The following FBXO40 variants were observed in gnomAD, a reference collection of about 807,000 sequenced individuals.
FBXO40 encodes F-box only protein 40.
A neutral mutation model predicts 49.9 loss-of-function variants in FBXO40; 50 were observed. That is an observed-to-expected ratio of 1.00 (90% CI 0.80 to 1.27). The LOEUF (loss-of-function observed/expected upper bound fraction) is 1.27. FBXO40 is among the 50% of genes most tolerant of loss of function. The probability of loss-of-function intolerance (pLI) is 0.00; values close to 1 mark genes in which losing one functional copy is unlikely to be tolerated. For missense variants in FBXO40, 895 were observed against 870.1 expected (o/e 1.03, Z -0.36); for synonymous variants, 340 against 320.2 (o/e 1.06, Z -0.66).
At chr3:121,621,376 A>C in intron 2 of FBXO40, 57 bp from the exon 3 acceptor site, 1 of 1,475,004 alleles carries the variant, frequency 6.8e-7, no homozygotes, top group South Asian at 1.2e-5. Flanking sequence ...ATAGACATGC[A>C]TAGAGCTTCT....
chr3:121,599,914 G>T (rs1309482990), intron 1 of FBXO40, among the ~76,000 whole-genome samples: 2 of 151,542 alleles, frequency 1.3e-5, no homozygotes, highest in African/African-American at 4.9e-5. Flanking sequence ...GTAGAGATGA[G>T]GTTTTTCCAT....
At chr3:121,605,197 A>C (rs2048925748) in intron 1 of FBXO40, among the ~76,000 whole-genome samples, 1 of 152,080 alleles carries the variant, frequency 6.6e-6, no homozygotes, top group South Asian at 2.1e-4. Context: ...TCGGCCTCCC[A>C]AAGTGCTGGG....
intron 1 of FBXO40, among the ~76,000 whole-genome samples, chr3:121,613,171 T>C (rs2048977153): frequency 6.6e-6 from 1 of 151,924 alleles, no homozygotes; most frequent in Non-Finnish European, 1.5e-5. Flanking sequence ...TCAGGATAGG[T>C]ACTGCGTTCT....
chr3:121,597,549 A>G (rs2048878464), intron 1 of FBXO40, among the ~76,000 whole-genome samples: 1 of 151,760 alleles, frequency 6.6e-6, no homozygotes, highest in Non-Finnish European at 1.5e-5. Context: ...GGCCTGGAGG[A>G]GGGAGGTGAC....
intron 1 of FBXO40, among the ~76,000 whole-genome samples, chr3:121,594,229 C>A (rs1194666652): frequency 5.5e-5 from 8 of 145,946 alleles, no homozygotes; most frequent in Non-Finnish European, 1.2e-4. Flanking sequence ...GAGACAGAGT[C>A]TCACTCTGTT....
intron 1 of FBXO40, among the ~76,000 whole-genome samples, chr3:121,617,705 A>G (rs772056151): frequency 1.3e-5 from 2 of 151,384 alleles, no homozygotes; most frequent in Non-Finnish European, 2.9e-5. Context: ...TATATCTCAA[A>G]ATAACTAAAA....
chr3:121,606,126 C>A (rs1368203021), intron 1 of FBXO40, among the ~76,000 whole-genome samples: 1 of 152,218 alleles, frequency 6.6e-6, no homozygotes, highest in Non-Finnish European at 1.5e-5. Context: ...GGAGGAGGAT[C>A]AGGAAGACTA....
chr3:121,597,643 G>C (rs1452246655), intron 1 of FBXO40, among the ~76,000 whole-genome samples: 2 of 145,884 alleles, frequency 1.4e-5, no homozygotes, highest in African/African-American at 5.0e-5. Context: ...CAACCCTATT[G>C]GTTATTATAG....
chr3:121,625,516 A>C (rs2049057349), intron 3 of FBXO40, among the ~76,000 whole-genome samples: 1 of 152,244 alleles, frequency 6.6e-6, no homozygotes, highest in African/African-American at 2.4e-5. Context: ...CAAGTGTTAA[A>C]TAAACACTGA....
intron 1 of FBXO40, among the ~76,000 whole-genome samples, chr3:121,603,510 G>T (rs2048911747): frequency 6.6e-6 from 1 of 152,180 alleles, no homozygotes; most frequent in Admixed American, 6.5e-5. Context: ...AAAGAGGGCT[G>T]CACTGTCAGG....
intron 1 of FBXO40, among the ~76,000 whole-genome samples, chr3:121,601,163 A>C (rs1199146160): frequency 6.6e-6 from 1 of 152,200 alleles, no homozygotes; most frequent in Non-Finnish European, 1.5e-5. Context: ...CCATGATTAG[A>C]CTATCGAGAG....
chr3:121,600,776 T>C (rs192600392), intron 1 of FBXO40, among the ~76,000 whole-genome samples: 2 of 152,300 alleles, frequency 1.3e-5, no homozygotes. Context: ...ATGGTTGTTG[T>C]GAGAATTAAA....
rs765858629 is a variant in FBXO40 at position 121,626,819 on chromosome 3, T to A, written c.2039T>A (p.Leu680His). The A allele has an allele frequency of 6.2e-7, 1 of 1,614,202 alleles. No individual in the cohort carries two copies. Among genetic ancestry groups the A allele is most frequent in the South Asian group, 1.1e-5 (1 of 91,078 alleles). Residue 680 changes from leucine (L) to histidine (H), a missense_variant, in exon 4 of 4, where the codon CTT becomes CAT. Physicochemically the swap from Leu to His is moderately conservative, Grantham distance 99. Coordinates refer to ENST00000338040, the MANE Select transcript of FBXO40 (RefSeq NM_016298.4). Reference sequence around the variant, plus strand: ...GTAGAGCACAAAACTGACCCGATTCTTTTGACTAGCATGTGTCAGCCCCGT... The same window carrying A: ...GTAGAGCACAAAACTGACCCGATTCATTTGACTAGCATGTGTCAGCCCCGT... ...NIVEHKTDPILLTSMCQPREQ... is the reference protein window; with the variant it reads ...NIVEHKTDPIHLTSMCQPREQ...
Position 121,615,576 on chromosome 3 carries a change from A to G in FBXO40, c.-30-4970A>G, listed in dbSNP as rs570194009. On this transcript the variant is annotated intron_variant, in intron 1 of 3. Transcript: ENST00000338040. The stretch of plus-strand genomic sequence containing the variant: ...AGACTGTGTCTTAAAAAAAAAAAAA[A>G]AAGAAGAAGAAGAAAGAAAGAAACT... 1.4e-3 allele frequency among the ~76,000 whole-genome samples: 216 copies of G among 151,398 alleles called. 1 individual carries two copies. Among genetic ancestry groups the G allele is most frequent in the African/African-American group, 4.5e-3 (183 of 41,116 alleles).
At position 121,621,634 on chromosome 3, in the gene FBXO40, G is replaced by A. The variant is rs777614025; in HGVS notation, c.205G>A (p.Glu69Lys). ...PLEQVPCLNS[E>K]YGCPLSMSRH... is the part of the protein sequence containing the mutation. Reference sequence around the variant, plus strand: ...AGAGCAGGTTCCGTGCCTCAACTCCGAATATGGCTGCCCTCTGTCCATGTC... The same window carrying A: ...AGAGCAGGTTCCGTGCCTCAACTCCAAATATGGCTGCCCTCTGTCCATGTC... The change falls in exon 3 of 4, where the codon GAA becomes AAA. Residue 69 changes from glutamate (E) to lysine (K), a missense_variant. Glu to Lys is a moderately conservative substitution (Grantham distance 56). Coordinates refer to ENST00000338040, the MANE Select transcript of FBXO40 (RefSeq NM_016298.4). 61 of 1,614,086 alleles carry A rather than the reference G, an allele frequency of 3.8e-5. No individual in the cohort carries two copies. Among genetic ancestry groups the A allele is most frequent in the Admixed American group, 1.5e-4 (9 of 60,012 alleles).
chr3:121,614,136 G>A (rs936452578), intron 1 of FBXO40, among the ~76,000 whole-genome samples: 10 of 152,122 alleles, frequency 6.6e-5, no homozygotes, highest in South Asian at 2.1e-4. Flanking sequence ...CTGTGGTGGC[G>A]CTTGCCTGTA....
intron 1 of FBXO40, among the ~76,000 whole-genome samples, chr3:121,613,758 A>C (rs755226411): frequency 1.2e-4 from 18 of 152,230 alleles, no homozygotes; most frequent in Admixed American, 3.9e-4. Context: ...AAAAGACTAG[A>C]TCCTGAGTGA....
chr3:121,607,265 C>CAA (rs199884317), intron 1 of FBXO40, among the ~76,000 whole-genome samples: 54 of 86,594 alleles, frequency 6.2e-4, no homozygotes, highest in East Asian at 1.7e-3. Context: ...AACTCCATCT[C>CAA]AAAAAAAAAA....
At position 121,622,866 on chromosome 3, in the gene FBXO40, C is replaced by A; in HGVS notation, c.1437C>A (p.Cys479Ter). 1 of 1,614,178 alleles carries A rather than the reference C, an allele frequency of 6.2e-7. No individual in the cohort carries two copies. Among genetic ancestry groups the A allele is most frequent in the Non-Finnish European group, 8.5e-7 (1 of 1,180,026 alleles). The stretch of plus-strand genomic sequence containing the variant: ...GCAGCTCTGCCTTCACTTTCACTTG[C>A]AACAAATTCTTCAGGAGGGATGAGT... ...NKSSSAFTFT[C>*]NKFFRRDEFP... The change falls in exon 3 of 4, where the codon TGC (cysteine) becomes TGA (stop). Residue 479 changes from cysteine to a stop codon, truncating the protein, a stop_gained. Coordinates refer to ENST00000338040, the MANE Select transcript of FBXO40 (RefSeq NM_016298.4). LOFTEE classifies it high-confidence loss of function.
Sources: allele counts gnomAD v4.1 joint callset (sites outside exome capture counted in the v4.1 genomes callset), GRCh38; gene constraint gnomAD v4.1.1; transcripts MANE v1.5; gene names NCBI Gene and HGNC (gene_info 2026-07-23, HGNC 2026-07-21).